PRDM16: variants seen among roughly 807,000 people sequenced by gnomAD.
The protein encoded by PRDM16 is PR/SET domain 16, also known as histone-lysine N-methyltransferase PRDM16.
In PRDM16, 23 loss-of-function variants were observed where a neutral mutation model predicts 110.6. The observed-to-expected ratio is 0.21, with a 90% CI of 0.15 to 0.29. The LOEUF (loss-of-function observed/expected upper bound fraction) is 0.29, where lower values mean the gene tolerates loss of function less well. PRDM16 is among the 10% of genes least tolerant of loss of function. The probability of loss-of-function intolerance (pLI) is 1.00; values close to 1 mark genes in which losing one functional copy is unlikely to be tolerated. For missense variants in PRDM16, 1,615 were observed against 1,794.3 expected (o/e 0.90, Z 1.81); for synonymous variants, 799 against 781.8 (o/e 1.02, Z -0.37).
intron 2 of PRDM16, among the ~76,000 whole-genome samples, chr1:3,187,128 C>G (rs1644278410): frequency 6.6e-6 from 1 of 152,230 alleles, no homozygotes; most frequent in South Asian, 2.1e-4. Flanking sequence ...GAGAGGGAAG[C>G]ACCCGGAGTG....
intron 5 of PRDM16, among the ~76,000 whole-genome samples, chr1:3,402,231 AGCT>A (rs1397503879): frequency 6.6e-6 from 1 of 151,446 alleles, no homozygotes; most frequent in Non-Finnish European, 1.5e-5. Context: ...GCTGCTGCCC[AGCT>A]GCTACAGGCA....
At chr1:3,260,000 G>A (rs1388598198) in intron 3 of PRDM16, among the ~76,000 whole-genome samples, 1 of 152,046 alleles carries the variant, frequency 6.6e-6, no homozygotes, top group Admixed American at 6.6e-5. Flanking sequence ...TGGGCCCCTG[G>A]TTTTCCAGCA....
In PRDM16 at chr1:3,200,631, C is replaced by T. The variant is rs181467036; in HGVS notation, c.387+14157C>T. Among the ~76,000 whole-genome samples the T allele has an allele frequency of 4.6e-3, 700 of 152,318 alleles. 4 individuals carry two copies. Among genetic ancestry groups the T allele is most frequent in the Middle Eastern group, 0.01 (3 of 294 alleles). ...TGCTGGGATTACAGGCGTGAGCCAC[C>T]GCGCCCAGCCTAAGGTGGATTTTAA... On this transcript the variant is annotated intron_variant, in intron 2 of 16. Transcript: ENST00000270722.
At chr1:3,124,872 G>A (rs143177681) in intron 1 of PRDM16, among the ~76,000 whole-genome samples, 59 of 151,822 alleles carry the variant, frequency 3.9e-4, no homozygotes, top group Middle Eastern at 6.8e-3. Context: ...GCTCCCATCC[G>A]GGCAGCCCTG....
rs1557508085 is a variant in PRDM16 at position 3,181,140 on chromosome 1, TCTTACACACGCAGTCTTACACG to T, written c.38-4983_38-4962del. On this transcript the variant is annotated intron_variant, in intron 1 of 16. Coordinates refer to ENST00000270722, the MANE Select transcript of PRDM16 (RefSeq NM_022114.4). The stretch of plus-strand genomic sequence containing the variant: ...CTTACACACGCAGTCTTACACGCGG[TCTTACACACGCAGTCTTACACG>T]CGGTCTTACGGTCTTACACACGCAG... Among the ~76,000 whole-genome samples, 844 of 117,594 alleles carry T rather than the reference TCTTACACACGCAGTCTTACACG, an allele frequency of 7.2e-3. 61 individuals are homozygous for T. Among genetic ancestry groups the T allele is most frequent in the East Asian group, 0.071 (260 of 3,666 alleles). 77.1% of individuals were successfully genotyped at this position (117,594 alleles called of 152,430 possible). A position where few individuals can be genotyped will look rare whatever the true frequency, so the allele number is the denominator to read the frequency against.
At chr1:3,086,399 G>C (rs1642152992) in intron 1 of PRDM16, among the ~76,000 whole-genome samples, 1 of 152,176 alleles carries the variant, frequency 6.6e-6, no homozygotes. Context: ...TTCTTGGTCA[G>C]GAAAGCTGCC....
chr1:3,437,139 T>C lies in PRDM16; in HGVS notation c.*3328T>C. 4.3e-6 allele frequency: 1 copy of C among 230,840 alleles called. No individual in the cohort carries two copies. Among genetic ancestry groups the C allele is most frequent in the Non-Finnish European group, 8.6e-6 (1 of 116,902 alleles). 14.3% of individuals were successfully genotyped at this position (230,840 alleles called of 1,614,324 possible). ...CTGCACCCTGCCTGGGGCCCTGGGG[T>C]GTGGAGCAGTGGCTGGGGTGGGCGT... On this transcript the variant is annotated 3_prime_UTR_variant, in exon 17 of 17. Transcript: ENST00000270722.
chr1:3,137,563 C>G (rs1285589903), intron 1 of PRDM16, among the ~76,000 whole-genome samples: 1 of 152,232 alleles, frequency 6.6e-6, no homozygotes, highest in Non-Finnish European at 1.5e-5. Context: ...CCCGAAGAAC[C>G]GTCCAGGAGG....
intron 5 of PRDM16, among the ~76,000 whole-genome samples, chr1:3,397,289 T>A (rs1372945030): frequency 6.6e-6 from 1 of 152,214 alleles, no homozygotes; most frequent in East Asian, 1.9e-4. Context: ...CCAAATTTCC[T>A]TTTCCCTAGA....
intron 3 of PRDM16, among the ~76,000 whole-genome samples, chr1:3,298,782 G>A (rs12031520): frequency 0.027 from 4,060 of 152,174 alleles, 304 homozygotes; most frequent in East Asian, 0.25. Flanking sequence ...TGTAGGAGTC[G>A]TAGACCAAGG....
intron 4 of PRDM16, among the ~76,000 whole-genome samples, chr1:3,387,448 T>TTCCTCCACTCGGGGCA (rs1424161539): frequency 1.1e-4 from 16 of 152,166 alleles, no homozygotes; most frequent in African/African-American, 3.9e-4. Context: ...CAGAGAGAAA[T>TTCCTCCACTCGGGGCA]TCCTCCACTC....
intron 3 of PRDM16, among the ~76,000 whole-genome samples, chr1:3,291,185 T>C (rs945760350): frequency 2.0e-5 from 3 of 151,936 alleles, no homozygotes; most frequent in African/African-American, 7.3e-5. Flanking sequence ...CCACACGGCC[T>C]CTCTCGGGGT....
intron 1 of PRDM16, among the ~76,000 whole-genome samples, chr1:3,075,524 T>G (rs1641876763): frequency 6.6e-6 from 1 of 152,280 alleles, no homozygotes; most frequent in Admixed American, 6.5e-5. Context: ...AAATCATTAT[T>G]GCATTAGCTG....
At chr1:3,414,431 C>A in intron 9 of PRDM16, 129 bp from the exon 10 acceptor site, 1 of 679,922 alleles carries the variant, frequency 1.5e-6, no homozygotes, top group Non-Finnish European at 2.6e-6. Context: ...GCAGCCACGG[C>A]GAGGTCCACA....
Position 3,244,170 on chromosome 1 carries a change from C to A in PRDM16, c.438+33C>A, listed in dbSNP as rs1639735947. The A allele has an allele frequency of 6.2e-7, 1 of 1,609,796 alleles. No individual in the cohort carries two copies. Among genetic ancestry groups the A allele is most frequent in the Non-Finnish European group, 8.5e-7 (1 of 1,176,872 alleles). ...AGCTCGCCCTGCGCCGTCTCAGCTC[C>A]CCAGCGTCCTCGGAGCTCCTGGCGG... On this transcript the variant is annotated intron_variant, in intron 3 of 16. Coordinates refer to ENST00000270722, the MANE Select transcript of PRDM16 (RefSeq NM_022114.4). This position sits in a 1 kb window ranked among gnomAD's most constrained non-coding sequence, Gnocchi z 4.1.
intron 3 of PRDM16, among the ~76,000 whole-genome samples, chr1:3,366,288 C>G (rs1033636561): frequency 6.6e-6 from 1 of 152,256 alleles, no homozygotes; most frequent in Non-Finnish European, 1.5e-5. Context: ...CAAAATCAGA[C>G]CCAGTGCAGC....
At chr1:3,402,758 T>A (rs1353384242) in intron 5 of PRDM16, 33 bp from the exon 6 acceptor site, 8 of 1,587,016 alleles carry the variant, frequency 5.0e-6, no homozygotes, top group Non-Finnish European at 6.9e-6. Flanking sequence ...GGTCTCCAGC[T>A]CACTCACCAC....
At chr1:3,187,324 G>A (rs1267930408) in intron 2 of PRDM16, among the ~76,000 whole-genome samples, 11 of 152,232 alleles carry the variant, frequency 7.2e-5, no homozygotes, top group Admixed American at 7.2e-4. Context: ...GTGGAAAATG[G>A]GAACACCAGT....
At chr1:3,100,793 C>T (rs1230452206) in intron 1 of PRDM16, among the ~76,000 whole-genome samples, 2 of 152,154 alleles carry the variant, frequency 1.3e-5, no homozygotes, top group African/African-American at 4.8e-5. Context: ...TGACTCAGCA[C>T]AGCTGGATCC....
Sources: allele counts gnomAD v4.1 joint callset (sites outside exome capture counted in the v4.1 genomes callset), GRCh38; gene constraint gnomAD v4.1.1; non-coding constraint Gnocchi (gnomAD v3.1); transcripts MANE v1.5; gene names NCBI Gene and HGNC (gene_info 2026-07-23, HGNC 2026-07-21).